The following TRPM6 variants were observed in gnomAD, a reference collection of about 807,000 sequenced individuals.
TRPM6 encodes transient receptor potential cation channel subfamily M member 6.
In TRPM6, 111 loss-of-function variants were observed where a neutral mutation model predicts 247.6. That is an observed-to-expected ratio of 0.45 (90% CI 0.38 to 0.52). TRPM6 has a LOEUF of 0.52. Among genes scored for constraint, TRPM6 ranks in the 20% least tolerant of loss-of-function variants. TRPM6 has a pLI of 0.00. For missense variants in TRPM6, 2,126 were observed against 2,421.5 expected (o/e 0.88, Z 2.56); for synonymous variants, 892 against 853.8 (o/e 1.04, Z -0.78).
chr9:74,871,239 CA>C (rs1831019838), intron 1 of TRPM6, among the ~76,000 whole-genome samples: 1 of 152,120 alleles, frequency 6.6e-6, no homozygotes, highest in African/African-American at 2.4e-5. Flanking sequence ...TCAGGTGATA[CA>C]GGGAAAAGTT....
rs779936032 is a variant in TRPM6 at position 74,792,624 on chromosome 9, C to T, written c.2538G>A (p.Thr846=). 8.7e-6 allele frequency: 14 copies of T among 1,613,740 alleles called. No individual in the cohort carries two copies. The highest frequency in any genetic ancestry group is 1.3e-5 in the African/African-American group (1 of 74,862). ...CATATATTGTTGCAATGAGACCAAC[C>T]GTATAAAACCAAAACTTGACAATTG... The part of the protein sequence containing the change: ...SAPIVKFWFY[T]MAYLAFLMLF... The change falls in exon 19 of 39, where the codon ACG becomes ACA. Residue 846 remains threonine (T), a splice_region_variant and synonymous_variant. Transcript: ENST00000360774.
At chr9:74,782,216 G>C in intron 23 of TRPM6, 146 bp downstream of exon 23, 1 of 626,646 alleles carries the variant, frequency 1.6e-6, no homozygotes, top group Non-Finnish European at 2.8e-6. Context: ...CTTATCAGTA[G>C]TTTTATGTGC....
In TRPM6 at chr9:74,811,578, G is replaced by A. The variant is rs185971657; in HGVS notation, c.1444-710C>T. On this transcript the variant is annotated intron_variant, in intron 12 of 38. Coordinates refer to ENST00000360774, the MANE Select transcript of TRPM6 (RefSeq NM_017662.5). ...TATTTTAATAGTGGCCTTAGGTTGAGATACTTCCAATAACTCAATAAAAGG... is the reference window on the plus strand; with the variant it reads ...TATTTTAATAGTGGCCTTAGGTTGAAATACTTCCAATAACTCAATAAAAGG... Among the ~76,000 whole-genome samples, 106 of 152,322 alleles carry A rather than the reference G, an allele frequency of 7.0e-4. 1 individual carries two copies. Among genetic ancestry groups the A allele is most frequent in the Non-Finnish European group, 4.4e-5 (3 of 68,018 alleles).
intron 3 of TRPM6, among the ~76,000 whole-genome samples, chr9:74,849,486 A>G (rs1460359384): frequency 6.6e-6 from 1 of 152,140 alleles, no homozygotes; most frequent in Non-Finnish European, 1.5e-5. Context: ...CTGAAGACAC[A>G]ATAAGAAGGT....
intron 5 of TRPM6, among the ~76,000 whole-genome samples, chr9:74,837,044 G>A (rs535885491): frequency 6.6e-6 from 1 of 152,272 alleles, no homozygotes; most frequent in South Asian, 2.1e-4. Flanking sequence ...GTCTGTCACA[G>A]CCCAACCCAT....
rs367708742 is a variant in TRPM6 at position 74,785,209 on chromosome 9, T to C, written c.2919+665A>G. Among the ~76,000 whole-genome samples, 8 of 152,306 alleles carry C rather than the reference T, an allele frequency of 5.3e-5. No individual in the cohort carries two copies. The East Asian group carries it at 1.5e-3, about 29-fold the overall frequency. On this transcript the variant is annotated intron_variant, in intron 21 of 38. Coordinates refer to ENST00000360774, the MANE Select transcript of TRPM6 (RefSeq NM_017662.5). ...AGCCAGGCGTGATGGTGCATGCCTA[T>C]AGTCCCAGCTACTCAGGACACTGAG...
intron 1 of TRPM6, among the ~76,000 whole-genome samples, chr9:74,880,693 G>C (rs777484622): frequency 6.6e-6 from 1 of 152,086 alleles, no homozygotes; most frequent in African/African-American, 2.4e-5. Context: ...GTTTCAGCAA[G>C]TCCTGCACAT....
chr9:74,756,681 C>CAAAAAAAAA lies in TRPM6; in HGVS notation c.4786-1217_4786-1209dup, dbSNP rs1217543421. 4.2e-3 allele frequency among the ~76,000 whole-genome samples: 218 copies of CAAAAAAAAA among 51,714 alleles called. 13 individuals are homozygous for CAAAAAAAAA. Among genetic ancestry groups the CAAAAAAAAA allele is most frequent in the African/African-American group, 0.012 (181 of 15,524 alleles). 33.9% of individuals were successfully genotyped at this position (51,714 alleles called of 152,430 possible). On this transcript the variant is annotated intron_variant, in intron 27 of 38. Transcript: ENST00000360774. ...ACAACATGAAGAAACCCCGTCTCTA[C>CAAAAAAAAA]AAAAAAAAAAAAAAAAAAAAATAGC...
intron 15 of TRPM6, 74 bp downstream of exon 15, chr9:74,803,720 T>C (rs972563340): frequency 1.9e-6 from 2 of 1,055,376 alleles, no homozygotes; most frequent in Non-Finnish European, 3.0e-6. Context: ...TCCCTTTCTT[T>C]GATGTAAATG....
At chr9:74,785,192 G>A (rs571465540) in intron 21 of TRPM6, among the ~76,000 whole-genome samples, 49 of 152,258 alleles carry the variant, frequency 3.2e-4, no homozygotes, top group East Asian at 2.1e-3. Context: ...GAAGCCAGGC[G>A]TGATGGTGCA....
At position 74,780,809 on chromosome 9, in the gene TRPM6, A is replaced by C. The variant is rs182500295; in HGVS notation, c.3209+1553T>G. 8.5e-5 allele frequency among the ~76,000 whole-genome samples: 13 copies of C among 152,322 alleles called. No individual in the cohort carries two copies. In the East Asian group the frequency reaches 2.1e-3, roughly 25 times the overall value. ...TAAGAATGACTCCATGTACAGAATC[A>C]TGGTGTAGAGCAGAGAAAAAGTAAG... On this transcript the variant is annotated intron_variant, in intron 23 of 38. Coordinates refer to ENST00000360774, the MANE Select transcript of TRPM6 (RefSeq NM_017662.5).
chr9:74,771,330 C>T (rs1454513006), intron 25 of TRPM6, among the ~76,000 whole-genome samples: 3 of 152,216 alleles, frequency 2.0e-5, no homozygotes. Flanking sequence ...TCTTTTACTG[C>T]CTGATAATAA....
chr9:74,748,104 C>T (rs1287449606), intron 30 of TRPM6, among the ~76,000 whole-genome samples, 190 bp from the exon 31 acceptor site: 4 of 152,150 alleles, frequency 2.6e-5, no homozygotes, highest in African/African-American at 9.7e-5. Context: ...TTACAATGGT[C>T]CCATAGATTA....
rs1164109861 is a variant in TRPM6, at chr9:74,771,718, C to T, written c.3521G>A (p.Arg1174Gln). The T allele has an allele frequency of 6.8e-6, 11 of 1,613,880 alleles. No homozygotes were observed. Among genetic ancestry groups the T allele is most frequent in the South Asian group, 1.1e-5 (1 of 91,074 alleles). Reference sequence around the variant, plus strand: ...TATCTTTTACCTTTCTGATGTCACTCGGATTCGTTCCTCACAACTACAATT... The same window carrying T: ...TATCTTTTACCTTTCTGATGTCACTTGGATTCGTTCCTCACAACTACAATT... Reference protein sequence around the residue: ...DVNCSCEERIRVTSERVTEMY... With the variant: ...DVNCSCEERIQVTSERVTEMY... Residue 1174 changes from arginine (R) to glutamine (Q), a missense_variant, in exon 25 of 39, where the codon CGA becomes CAA. Arg to Gln is a conservative substitution (Grantham distance 43). Coordinates refer to ENST00000360774, the MANE Select transcript of TRPM6 (RefSeq NM_017662.5).
intron 36 of TRPM6, among the ~76,000 whole-genome samples, chr9:74,735,845 G>T (rs1030724433): frequency 6.6e-6 from 1 of 152,168 alleles, no homozygotes; most frequent in Non-Finnish European, 1.5e-5. Flanking sequence ...AGCTTCTGGG[G>T]TTAGTTATTG....
At chr9:74,766,748 TA>T (rs1392352562) in intron 25 of TRPM6, among the ~76,000 whole-genome samples, 287 of 138,948 alleles carry the variant, frequency 2.1e-3, no homozygotes, top group Admixed American at 2.9e-3. Flanking sequence ...CCATCTCTAC[TA>T]AAAAAAAAAA....
chr9:74,868,873 T>A (rs1322090775), intron 1 of TRPM6, among the ~76,000 whole-genome samples: 2 of 152,118 alleles, frequency 1.3e-5, no homozygotes, highest in East Asian at 3.9e-4. Flanking sequence ...TCAAGAACTT[T>A]CAGAAACATC....
intron 36 of TRPM6, chr9:74,737,511 T>TTTG: frequency 2.1e-6 from 2 of 956,516 alleles, no homozygotes; most frequent in African/African-American, 1.7e-5. Context: ...CATAAGATGG[T>TTTG]TATACCCTCT....
intron 5 of TRPM6, among the ~76,000 whole-genome samples, chr9:74,836,080 G>A (rs1052263222): frequency 6.6e-6 from 1 of 152,126 alleles, no homozygotes; most frequent in African/African-American, 2.4e-5. Context: ...TATCCACCAT[G>A]TTAGTATCAC....
Sources: allele counts gnomAD v4.1 joint callset (sites outside exome capture counted in the v4.1 genomes callset), GRCh38; gene constraint gnomAD v4.1.1; transcripts MANE v1.5; gene names NCBI Gene and HGNC (gene_info 2026-07-23, HGNC 2026-07-21).